Variants in PCSK2 observed in about 807,000 individuals in gnomAD.
PCSK2 encodes neuroendocrine convertase 2.
Under a neutral mutation model 69.7 loss-of-function variants are expected in PCSK2, and 14 were observed. The ratio of observed to expected loss-of-function variants is 0.20; its 90% CI spans 0.13 to 0.31. PCSK2 has a LOEUF of 0.31. Ranked by LOEUF, PCSK2 falls within the 10% of genes least tolerant of loss-of-function variation. The pLI is 1.00. For missense variants in PCSK2, 544 were observed against 842.5 expected, an observed-to-expected ratio of 0.65 and a Z score of 4.39; for synonymous variants, 307 against 320.7, an observed-to-expected ratio of 0.96 and a Z score of 0.46.
intron 11 of PCSK2, among the ~76,000 whole-genome samples, chr20:17,469,902 A>G (rs1263115895): frequency 1.3e-5 from 2 of 152,112 alleles, no homozygotes; most frequent in Non-Finnish European, 2.9e-5. Flanking sequence ...GAGTTTCAGT[A>G]AACATTCCCC....
At chr20:17,304,469 T>C (rs1159987754) in intron 2 of PCSK2, among the ~76,000 whole-genome samples, 2 of 152,332 alleles carry the variant, frequency 1.3e-5, no homozygotes, top group Admixed American at 6.5e-5. Flanking sequence ...AGCCAATTAC[T>C]GGTTAATAGA....
intron 1 of PCSK2, among the ~76,000 whole-genome samples, chr20:17,238,520 T>C (rs554833174): frequency 6.6e-6 from 1 of 152,332 alleles, no homozygotes; most frequent in South Asian, 2.1e-4. Context: ...TATGTTTGTA[T>C]GCTTAACTAT....
chr20:17,383,876 G>A (rs1406959602), intron 5 of PCSK2, among the ~76,000 whole-genome samples: 1 of 152,134 alleles, frequency 6.6e-6, no homozygotes, highest in Non-Finnish European at 1.5e-5. Context: ...TGGAAACAAT[G>A]CTTATAATTA....
chr20:17,382,721 G>A (rs2031121751), intron 5 of PCSK2, among the ~76,000 whole-genome samples: 1 of 152,000 alleles, frequency 6.6e-6, no homozygotes, highest in Non-Finnish European at 1.5e-5. Context: ...CCCAAAACAA[G>A]CAGAAAGGTC....
intron 5 of PCSK2, among the ~76,000 whole-genome samples, chr20:17,384,425 C>CAAAA (rs11478291): frequency 1.5e-4 from 16 of 106,524 alleles, no homozygotes; most frequent in South Asian, 6.6e-4. Flanking sequence ...CCATATCTAC[C>CAAAA]AAAAAAAAAA....
intron 2 of PCSK2, among the ~76,000 whole-genome samples, chr20:17,334,746 A>G (rs1190621223): frequency 1.3e-5 from 2 of 152,202 alleles, no homozygotes; most frequent in Non-Finnish European, 1.5e-5. Flanking sequence ...TCACCCACAC[A>G]TCTATTGTAT....
At chr20:17,363,161 G>A (rs2030460132) in intron 4 of PCSK2, among the ~76,000 whole-genome samples, 1 of 152,196 alleles carries the variant, frequency 6.6e-6, no homozygotes. Flanking sequence ...TGGCCTGTGT[G>A]GCAAATGTTC....
rs578010989 is a variant in PCSK2, at chr20:17,357,441, G to A, written c.283-886G>A. On this transcript the variant is annotated intron_variant, in intron 2 of 11. Coordinates refer to ENST00000262545, the MANE Select transcript of PCSK2 (RefSeq NM_002594.5). ...TTTCAGCAGATTCTCAAACGTGATA[G>A]CACTGTCAACAAATTAAAGACTGGG... Among the ~76,000 whole-genome samples the A allele has an allele frequency of 3.3e-5, 5 of 152,166 alleles. No homozygotes were observed. In the South Asian group the frequency reaches 1.0e-3, roughly 31 times the overall value.
chr20:17,280,421 T>G (rs1568583071), intron 2 of PCSK2, among the ~76,000 whole-genome samples: 1 of 152,190 alleles, frequency 6.6e-6, no homozygotes, highest in African/African-American at 2.4e-5. Flanking sequence ...GGGTCAAATT[T>G]GTGTTTTGGT....
intron 1 of PCSK2, among the ~76,000 whole-genome samples, chr20:17,247,338 G>C (rs751239114): frequency 3.3e-5 from 5 of 152,122 alleles, no homozygotes; most frequent in African/African-American, 4.8e-5. Context: ...TAAAATTCAG[G>C]TCCCCAAATG....
intron 2 of PCSK2, among the ~76,000 whole-genome samples, chr20:17,304,997 C>T (rs896006463): frequency 2.6e-5 from 4 of 152,188 alleles, no homozygotes; most frequent in Non-Finnish European, 5.9e-5. Flanking sequence ...TCCTTTCAAT[C>T]TCATTTCACA....
intron 6 of PCSK2, 51 bp from the exon 7 acceptor site, chr20:17,429,384 A>G: frequency 7.3e-7 from 1 of 1,361,102 alleles, no homozygotes; most frequent in Non-Finnish European, 1.1e-6. Context: ...TGAGAGATCT[A>G]GCCAAATTCG....
intron 4 of PCSK2, among the ~76,000 whole-genome samples, chr20:17,367,471 C>T (rs1428588425): frequency 1.3e-5 from 2 of 152,244 alleles, no homozygotes; most frequent in Non-Finnish European, 2.9e-5. Flanking sequence ...TAAAGCCACA[C>T]AAGTGTTAGT....
chr20:17,359,525 G>A (rs543499185), intron 3 of PCSK2, among the ~76,000 whole-genome samples: 24 of 152,254 alleles, frequency 1.6e-4, no homozygotes, highest in Non-Finnish European at 3.1e-4. Flanking sequence ...CAAGGAAAAG[G>A]GGCAAATTGT....
At chr20:17,312,240 G>A (rs948123782) in intron 2 of PCSK2, among the ~76,000 whole-genome samples, 1 of 152,148 alleles carries the variant, frequency 6.6e-6, no homozygotes, top group African/African-American at 2.4e-5. Context: ...TGAAATCAGT[G>A]TGGGAGCAAT....
chr20:17,240,035 G>A (rs1169013444), intron 1 of PCSK2, among the ~76,000 whole-genome samples: 1 of 151,646 alleles, frequency 6.6e-6, no homozygotes, highest in Non-Finnish European at 1.5e-5. Flanking sequence ...TGTATTTTTA[G>A]TAGAGACGGG....
chr20:17,250,343 C>T (rs1330943683), intron 1 of PCSK2, among the ~76,000 whole-genome samples: 2 of 152,114 alleles, frequency 1.3e-5, no homozygotes, highest in Non-Finnish European at 2.9e-5. Context: ...ATGAGTTTGT[C>T]TGATGGTTCT....
intron 2 of PCSK2, among the ~76,000 whole-genome samples, chr20:17,347,472 C>T (rs1316145950): frequency 6.6e-6 from 1 of 152,232 alleles, no homozygotes; most frequent in African/African-American, 2.4e-5. Context: ...TTCCATCAAT[C>T]GCTTTTGGGG....
intron 2 of PCSK2, among the ~76,000 whole-genome samples, chr20:17,287,768 A>G (rs899611297): frequency 1.3e-5 from 2 of 152,170 alleles, no homozygotes; most frequent in African/African-American, 4.8e-5. Context: ...GCCAGCCAGT[A>G]TTCCCCCAAG....
Sources: allele counts gnomAD v4.1 joint callset (sites outside exome capture counted in the v4.1 genomes callset), GRCh38; gene constraint gnomAD v4.1.1; transcripts MANE v1.5; gene names NCBI Gene and HGNC (gene_info 2026-07-23, HGNC 2026-07-21).